Variants in ASAP1 observed in about 807,000 individuals in gnomAD.
The protein encoded by ASAP1 is arf-GAP with SH3 domain, ANK repeat and PH domain-containing protein 1.
In ASAP1, 43 loss-of-function variants were observed where a neutral mutation model predicts 145.2. The observed-to-expected ratio is 0.30, with a 90% CI of 0.23 to 0.38. The LOEUF (loss-of-function observed/expected upper bound fraction) is 0.38. Among genes scored for constraint, ASAP1 ranks in the 10% least tolerant of loss-of-function variants. The pLI is 1.00. For missense variants in ASAP1, 1,018 were observed against 1,355.3 expected, an observed-to-expected ratio of 0.75 and a Z score of 3.91; for synonymous variants, 546 against 515.5, an observed-to-expected ratio of 1.06 and a Z score of -0.80.
chr8:130,192,032 CA>C, intron 5 of ASAP1, among the ~76,000 whole-genome samples: 1 of 152,070 alleles, frequency 6.6e-6, no homozygotes, highest in Non-Finnish European at 1.5e-5. Context: ...TCTCTGGTGA[CA>C]CACATCTAAG....
rs745360857 is a variant in ASAP1, at chr8:130,169,100, G to GTA, written c.747-35_747-34dup. ...TAAAAAAATCAGAGATTTACCACCA[G>GTA]TATAAAAAAAAAAGAGTATTTGTTT... On this transcript the variant is annotated intron_variant, in intron 9 of 29. Transcript: ENST00000518721. The GTA allele has an allele frequency of 5.7e-6, 7 of 1,227,372 alleles. No homozygotes were observed. In the East Asian group the frequency reaches 9.7e-5, roughly 17 times the overall value. The allele number at this position is 1,227,372 out of a possible 1,614,324, so 76.0% of individuals were successfully genotyped here.
chr8:130,358,249 C>A lies in ASAP1; in HGVS notation c.60-106G>T, dbSNP rs1260232223. 7 of 860,716 alleles carry A rather than the reference C, an allele frequency of 8.1e-6. No homozygotes were observed. Among genetic ancestry groups the A allele is most frequent in the Non-Finnish European group, 1.0e-5 (7 of 685,350 alleles). 53.3% of individuals were successfully genotyped at this position (860,716 alleles called of 1,614,324 possible). A position where few individuals can be genotyped will look rare whatever the true frequency, so the allele number is the denominator to read the frequency against. On this transcript the variant is annotated intron_variant, in intron 2 of 29. Coordinates refer to ENST00000518721, the MANE Select transcript of ASAP1 (RefSeq NM_018482.4). This position sits in a 1 kb window ranked among gnomAD's most constrained non-coding sequence, Gnocchi z 4.1. ...CTCATGAACCCCGGCGCGCAGCCCG[C>A]CACCCGCCGCCCGGCCTGGCGCGCG...
chr8:130,208,148 A>C (rs1816343989), intron 5 of ASAP1, among the ~76,000 whole-genome samples: 1 of 152,210 alleles, frequency 6.6e-6, no homozygotes, highest in South Asian at 2.1e-4. Context: ...GGTCCCTTGT[A>C]CCCATCAACC....
intron 3 of ASAP1, among the ~76,000 whole-genome samples, chr8:130,300,860 G>A (rs1007268623): frequency 2.0e-5 from 3 of 152,178 alleles, no homozygotes; most frequent in African/African-American, 7.2e-5. Context: ...TCTGGACCAA[G>A]TTTCAGCAAA....
intron 1 of ASAP1, among the ~76,000 whole-genome samples, chr8:130,419,352 T>C (rs1206044972): frequency 6.6e-6 from 1 of 152,138 alleles, no homozygotes; most frequent in Non-Finnish European, 1.5e-5. Context: ...GTAACCCAAT[T>C]GGGGTCAATA....
Position 130,197,588 on chromosome 8 carries a change from A to T in ASAP1, c.406-9405T>A, listed in dbSNP as rs561137781. Among the ~76,000 whole-genome samples the T allele has an allele frequency of 6.6e-5, 10 of 152,314 alleles. No individual in the cohort carries two copies. In the South Asian group the frequency reaches 2.1e-3, roughly 32 times the overall value. On this transcript the variant is annotated intron_variant, in intron 5 of 29. Transcript: ENST00000518721. ...ATTACTAAATAACTTGGCCAAACACACGCAGTTAGCTGAGACACAGTGGAT... is the reference window on the plus strand; with the variant it reads ...ATTACTAAATAACTTGGCCAAACACTCGCAGTTAGCTGAGACACAGTGGAT...
At chr8:130,306,828 G>C (rs1369780707) in intron 3 of ASAP1, among the ~76,000 whole-genome samples, 1 of 152,076 alleles carries the variant, frequency 6.6e-6, no homozygotes, top group Non-Finnish European at 1.5e-5. Context: ...TATCTCTATG[G>C]TGCTTTTCTC....
At chr8:130,301,733 T>A (rs1324742750) in intron 3 of ASAP1, among the ~76,000 whole-genome samples, 2 of 152,234 alleles carry the variant, frequency 1.3e-5, no homozygotes, top group Non-Finnish European at 2.9e-5. Context: ...TCTGTGTTGT[T>A]TTATATCATG....
chr8:130,115,847 T>C (rs1425419863), intron 22 of ASAP1, 112 bp from the exon 23 acceptor site: 4 of 786,190 alleles, frequency 5.1e-6, no homozygotes, highest in Admixed American at 4.0e-5. Context: ...GAATCATCTG[T>C]AGGTGTACTA....
intron 25 of ASAP1, chr8:130,084,142 C>T (rs1280430267): frequency 6.6e-6 from 1 of 152,170 alleles, no homozygotes; most frequent in Non-Finnish European, 1.5e-5. Context: ...GTCAATAGTC[C>T]CTGCTAGCGA....
intron 12 of ASAP1, among the ~76,000 whole-genome samples, chr8:130,153,351 A>ATATATATATATATG (rs2097651147): frequency 2.1e-5 from 1 of 48,384 alleles, no homozygotes; most frequent in South Asian, 1.4e-3. Flanking sequence ...ATATATATAT[A>ATATATATATATATG]TATATATGTA....
intron 3 of ASAP1, among the ~76,000 whole-genome samples, chr8:130,275,906 G>A (rs1034851971): frequency 6.6e-6 from 1 of 152,156 alleles, no homozygotes; most frequent in Non-Finnish European, 1.5e-5. Context: ...TTACAACCAA[G>A]TAGAAGATAA....
chr8:130,095,019 G>C (rs1469061351), intron 24 of ASAP1, among the ~76,000 whole-genome samples: 1 of 152,116 alleles, frequency 6.6e-6, no homozygotes, highest in Non-Finnish European at 1.5e-5. Context: ...CACCAAAGAG[G>C]CATCCTGTAA....
chr8:130,431,464 C>G (rs1263289881), intron 1 of ASAP1, among the ~76,000 whole-genome samples: 1 of 152,188 alleles, frequency 6.6e-6, no homozygotes, highest in Non-Finnish European at 1.5e-5. Context: ...CCAGCACATA[C>G]TGTGCTATTG....
chr8:130,095,615 C>CT (rs1328249743), intron 24 of ASAP1, among the ~76,000 whole-genome samples: 5 of 142,942 alleles, frequency 3.5e-5, no homozygotes, highest in Admixed American at 2.8e-4. Flanking sequence ...GCCAGTGATT[C>CT]TTTTGTCTTT....
At chr8:130,227,238 C>T (rs955107679) in intron 4 of ASAP1, among the ~76,000 whole-genome samples, 2 of 151,722 alleles carry the variant, frequency 1.3e-5, no homozygotes, top group African/African-American at 4.9e-5. Context: ...GAGCAGCTAC[C>T]CTCTGAACAC....
chr8:130,304,065 A>AC (rs1315214080), intron 3 of ASAP1, among the ~76,000 whole-genome samples: 3 of 152,162 alleles, frequency 2.0e-5, no homozygotes. Flanking sequence ...ATGAGACGGT[A>AC]CATAAGAACT....
chr8:130,400,790 C>CAAAAA (rs112753204), intron 2 of ASAP1, among the ~76,000 whole-genome samples: 1,348 of 102,970 alleles, frequency 0.013, 29 homozygotes, highest in African/African-American at 0.043. Context: ...GACTCCGTCT[C>CAAAAA]AAAAAAAAAA....
intron 3 of ASAP1, among the ~76,000 whole-genome samples, chr8:130,261,200 T>A (rs1819874185): frequency 6.6e-6 from 1 of 152,164 alleles, no homozygotes; most frequent in Admixed American, 6.5e-5. Flanking sequence ...GATTCCAGTT[T>A]AAATATATGT....
Sources: allele counts gnomAD v4.1 joint callset (sites outside exome capture counted in the v4.1 genomes callset), GRCh38; gene constraint gnomAD v4.1.1; non-coding constraint Gnocchi (gnomAD v3.1); transcripts MANE v1.5; gene names NCBI Gene and HGNC (gene_info 2026-07-23, HGNC 2026-07-21).